Variants in MTM1 observed in about 807,000 individuals in gnomAD.
The protein encoded by MTM1 is myotubularin 1.
Under a neutral mutation model 52.1 loss-of-function variants are expected in MTM1, and 9 were observed. That is an observed-to-expected ratio of 0.17 (90% CI 0.10 to 0.30). The LOEUF is 0.30. Among genes scored for constraint, MTM1 ranks in the 10% least tolerant of loss-of-function variants. The probability of loss-of-function intolerance (pLI) is 1.00; values close to 1 mark genes in which losing one functional copy is unlikely to be tolerated. For missense variants in MTM1, 277 were observed against 470.7 expected (o/e 0.59, Z 3.81); for synonymous variants, 136 against 163.8 (o/e 0.83, Z 1.29).
intron 6 of MTM1, among the ~76,000 whole-genome samples, chrX:150,625,047 G>A (rs1371139106): frequency 7.2e-5 from 8 of 111,574 alleles, no homozygotes; most frequent in African/African-American, 2.6e-4. Context: ...CCACTGATGG[G>A]GAGACCCTGT....
At chrX:150,583,375 T>TATATAATTATAAA (rs1569565318) in intron 1 of MTM1, among the ~76,000 whole-genome samples, 15 of 20,964 alleles carry the variant, frequency 7.2e-4, no homozygotes, top group African/African-American at 6.2e-3. Flanking sequence ...ATTATATATA[T>TATATAATTATAAA]TATATATAAT....
At chrX:150,625,144 A>C (rs1157771213) in intron 6 of MTM1, among the ~76,000 whole-genome samples, 1 of 111,694 alleles carries the variant, frequency 9.0e-6, no homozygotes, top group Admixed American at 9.5e-5. Context: ...AATCCAGCTC[A>C]GTCACTTACC....
chrX:150,567,796 C>A (rs11094635), upstream of MTM1, among the ~76,000 whole-genome samples: 5 of 111,427 alleles, frequency 4.5e-5, no homozygotes, highest in Non-Finnish European at 9.4e-5. Flanking sequence ...TCAGGTGATC[C>A]GCCTGCGTTG....
intron 1 of MTM1, among the ~76,000 whole-genome samples, chrX:150,583,916 TA>T (rs1243135767): frequency 3.7e-5 from 2 of 54,366 alleles, no homozygotes; most frequent in African/African-American, 1.3e-4. Context: ...ATATATAATA[TA>T]AAATATATAT....
At chrX:150,638,738 C>T (rs1249818062) in intron 6 of MTM1, among the ~76,000 whole-genome samples, 1 of 110,780 alleles carries the variant, frequency 9.0e-6, no homozygotes, top group Non-Finnish European at 1.9e-5. Flanking sequence ...ATTGAGGCTT[C>T]TATTACTCAA....
intron 1 of MTM1, among the ~76,000 whole-genome samples, chrX:150,583,511 AATTTATATATAT>A (rs2038672638): frequency 3.5e-5 from 1 of 28,256 alleles, no homozygotes; most frequent in South Asian, 4.7e-3. Flanking sequence ...AAATATATAT[AATTTATATATAT>A]TATATATAAA....
upstream of MTM1, among the ~76,000 whole-genome samples, chrX:150,567,031 G>C (rs149690895): frequency 9.5e-3 from 1,060 of 111,465 alleles, 6 homozygotes; most frequent in South Asian, 0.028. Context: ...ACAACAAGAA[G>C]GGCTGGGTGG....
At chrX:150,571,736 A>G (rs1180196640) in intron 1 of MTM1, among the ~76,000 whole-genome samples, 4 of 112,438 alleles carry the variant, frequency 3.6e-5, no homozygotes, top group African/African-American at 1.3e-4. Context: ...CGCTGGCAGC[A>G]GTGTCCTCCG....
In MTM1 at chrX:150,672,068, A is replaced by G. The variant is rs145704652; in HGVS notation, c.*473A>G. 412 of 127,528 alleles carry G rather than the reference A, an allele frequency of 3.2e-3. 4 individuals carry two copies. The highest frequency in any genetic ancestry group is 0.012 in the African/African-American group (368 of 30,806). The allele number at this position is 127,528 out of a possible 1,213,427, so 10.5% of individuals were successfully genotyped here. A position where few individuals can be genotyped will look rare whatever the true frequency, so the allele number is the denominator to read the frequency against. The stretch of plus-strand genomic sequence containing the variant: ...AAAACCAAATTGAGCTCAGCTTCCT[A>G]GGCATTACCCAAAAGCAAGGTGTTT... On this transcript the variant is annotated 3_prime_UTR_variant, in exon 15 of 15. Transcript: ENST00000370396.
intron 13 of MTM1, 95 bp from the exon 14 acceptor site, chrX:150,663,338 A>T: frequency 1.1e-6 from 1 of 943,362 alleles, no homozygotes. Flanking sequence ...ATTCAATTTG[A>T]TGCTGAACTG....
chrX:150,656,349 A>G (rs1407119590), intron 10 of MTM1, among the ~76,000 whole-genome samples: 1 of 111,610 alleles, frequency 9.0e-6, no homozygotes, highest in African/African-American at 3.3e-5. Context: ...ACACACACAC[A>G]CAGTGAGACT....
At chrX:150,643,108 C>T (rs926027949) in intron 8 of MTM1, among the ~76,000 whole-genome samples, 3 of 110,893 alleles carry the variant, frequency 2.7e-5, no homozygotes, top group East Asian at 2.8e-4. Context: ...TCTAACCACC[C>T]GGCTGTTGGC....
chrX:150,631,732 G>T (rs921038458), intron 6 of MTM1, among the ~76,000 whole-genome samples: 24 of 106,791 alleles, frequency 2.2e-4, no homozygotes, highest in African/African-American at 8.2e-4. Context: ...TAGTAATTTG[G>T]TTTCTTCCTT....
chrX:150,611,657 C>T (rs141174753), intron 4 of MTM1, among the ~76,000 whole-genome samples: 4,817 of 111,363 alleles, frequency 0.043, 263 homozygotes, highest in African/African-American at 0.15. Flanking sequence ...GTATTTTTCC[C>T]GCACTCACTT....
chrX:150,652,418 G>C (rs1238327623), intron 10 of MTM1, among the ~76,000 whole-genome samples: 1 of 107,175 alleles, frequency 9.3e-6, no homozygotes, highest in Non-Finnish European at 1.9e-5. Flanking sequence ...TGTAGTCCCA[G>C]CTACTCAGGA....
At chrX:150,578,975 A>G (rs2038524083) in intron 1 of MTM1, among the ~76,000 whole-genome samples, 1 of 110,477 alleles carries the variant, frequency 9.1e-6, no homozygotes, top group Non-Finnish European at 1.9e-5. Flanking sequence ...CATGACAATT[A>G]GGAGTCTTTG....
At chrX:150,632,171 A>G (rs1388617643) in intron 6 of MTM1, among the ~76,000 whole-genome samples, 1 of 112,039 alleles carries the variant, frequency 8.9e-6, no homozygotes. Flanking sequence ...GATGCATATG[A>G]TACAGTGGTG....
At chrX:150,610,564 A>G (rs1326416782) in intron 4 of MTM1, among the ~76,000 whole-genome samples, 1 of 112,592 alleles carries the variant, frequency 8.9e-6, no homozygotes, top group Non-Finnish European at 1.9e-5. Flanking sequence ...TGATATTTAG[A>G]TACTGATGAC....
At chrX:150,658,235 A>G (rs1557414532) in intron 11 of MTM1, among the ~76,000 whole-genome samples, 1 of 112,229 alleles carries the variant, frequency 8.9e-6, no homozygotes, top group Non-Finnish European at 1.9e-5. Context: ...TTTCACTTGA[A>G]AGCAATACAA....
Sources: gnomAD v4.1 joint callset for allele counts (sites outside exome capture counted in the v4.1 genomes callset) on GRCh38, gnomAD v4.1.1 for gene constraint, MANE v1.5 for transcripts, NCBI Gene and HGNC (gene_info 2026-07-23, HGNC 2026-07-21) for gene names.